Variants in SLX4IP observed in about 807,000 individuals in gnomAD.
SLX4IP encodes the protein SLX4 interacting protein.
In SLX4IP, 34 loss-of-function variants were observed where a neutral mutation model predicts 32.9. The ratio of observed to expected loss-of-function variants is 1.03; its 90% CI spans 0.79 to 1.38. SLX4IP has a LOEUF of 1.38. SLX4IP is among the 40% of genes most tolerant of loss of function. The pLI, the probability that SLX4IP is intolerant of heterozygous loss-of-function variation, is 0.00. For synonymous variants in SLX4IP, 172 were observed against 171.7 expected, an observed-to-expected ratio of 1.00 and a Z score of -0.01; for missense variants, 444 against 479.0, an observed-to-expected ratio of 0.93 and a Z score of 0.68.
intron 2 of SLX4IP, among the ~76,000 whole-genome samples, chr20:10,543,824 A>G (rs111244718): frequency 5.5e-4 from 83 of 152,284 alleles, no homozygotes; most frequent in Admixed American, 3.0e-3. Context: ...ACTTCATTTG[A>G]TTCCTGGCTG....
chr20:10,619,795 T>A (rs1249983183), intron 6 of SLX4IP, among the ~76,000 whole-genome samples: 2 of 152,172 alleles, frequency 1.3e-5, no homozygotes, highest in African/African-American at 4.8e-5. Context: ...TCGATCTCTC[T>A]CTTTCTCTCA....
At chr20:10,480,961 T>A (rs2065515900) in intron 2 of SLX4IP, among the ~76,000 whole-genome samples, 1 of 152,210 alleles carries the variant, frequency 6.6e-6, no homozygotes, top group African/African-American at 2.4e-5. Context: ...AAAGCCAACT[T>A]AATATCTCCC....
intron 2 of SLX4IP, among the ~76,000 whole-genome samples, chr20:10,496,966 C>T (rs2065673423): frequency 2.0e-5 from 3 of 152,174 alleles, no homozygotes; most frequent in African/African-American, 4.8e-5. Context: ...ACAACTTTCA[C>T]AGTGTTTTCT....
At chr20:10,478,077 T>C (rs2065490437) in intron 2 of SLX4IP, among the ~76,000 whole-genome samples, 1 of 151,998 alleles carries the variant, frequency 6.6e-6, no homozygotes, top group Non-Finnish European at 1.5e-5. Flanking sequence ...TTTTTGTATT[T>C]TAGTAGAGAT....
At chr20:10,610,007 T>C (rs1185426776) in intron 6 of SLX4IP, among the ~76,000 whole-genome samples, 1 of 152,164 alleles carries the variant, frequency 6.6e-6, no homozygotes, top group Non-Finnish European at 1.5e-5. Flanking sequence ...TCAGAACAGT[T>C]GATAAGCCTC....
At chr20:10,562,099 G>T (rs2066338700) in intron 4 of SLX4IP, among the ~76,000 whole-genome samples, 1 of 152,142 alleles carries the variant, frequency 6.6e-6, no homozygotes, top group Non-Finnish European at 1.5e-5. Flanking sequence ...GCCCCAGTGG[G>T]CGTGTGTTAC....
chr20:10,495,189 A>C (rs1251115267), intron 2 of SLX4IP, among the ~76,000 whole-genome samples: 4 of 152,138 alleles, frequency 2.6e-5, no homozygotes, highest in African/African-American at 9.7e-5. Context: ...ACAGGTTTTG[A>C]GATATAGTAC....
At chr20:10,493,371 A>C (rs1195337070) in intron 2 of SLX4IP, among the ~76,000 whole-genome samples, 2 of 152,278 alleles carry the variant, frequency 1.3e-5, no homozygotes, top group East Asian at 3.9e-4. Context: ...TGGATATTTT[A>C]TTCTATTACA....
chr20:10,604,686 C>T (rs1390859205), intron 6 of SLX4IP, among the ~76,000 whole-genome samples: 1 of 152,248 alleles, frequency 6.6e-6, no homozygotes, highest in African/African-American at 2.4e-5. Context: ...TTGCGTTTCT[C>T]TTGTCCACTC....
intron 2 of SLX4IP, among the ~76,000 whole-genome samples, chr20:10,551,362 G>A (rs186978038): frequency 1.3e-5 from 2 of 152,308 alleles, no homozygotes; most frequent in Admixed American, 1.3e-4. Context: ...GTTCTATGAT[G>A]TATCAGTGCA....
intron 2 of SLX4IP, among the ~76,000 whole-genome samples, chr20:10,512,776 CTCTATATATATATATATATATATA>C (rs1273180338): frequency 4.4e-5 from 5 of 114,746 alleles, no homozygotes; most frequent in Admixed American, 1.9e-4. Context: ...CACACACACA[CTCTATATATATATATATATATATA>C]TATATATATA....
At chr20:10,448,301 T>C (rs1458132168) in intron 1 of SLX4IP, among the ~76,000 whole-genome samples, 8 of 152,196 alleles carry the variant, frequency 5.3e-5, no homozygotes, top group Admixed American at 3.3e-4. Context: ...TGAACTACTG[T>C]TGATTTTTGG....
chr20:10,520,551 C>G (rs553909123), intron 2 of SLX4IP, among the ~76,000 whole-genome samples: 2 of 152,032 alleles, frequency 1.3e-5, no homozygotes, highest in African/African-American at 4.8e-5. Context: ...TTCTTTTTGT[C>G]ACTTGTTTTT....
At chr20:10,495,665 C>A (rs2065660891) in intron 2 of SLX4IP, among the ~76,000 whole-genome samples, 1 of 152,136 alleles carries the variant, frequency 6.6e-6, no homozygotes, top group Admixed American at 6.5e-5. Flanking sequence ...TAAACAAGTT[C>A]ATGATTATTC....
chr20:10,448,298 CT>C (rs1294751139), intron 1 of SLX4IP, among the ~76,000 whole-genome samples: 4 of 152,110 alleles, frequency 2.6e-5, no homozygotes, highest in Non-Finnish European at 4.4e-5. Context: ...CCCTGAACTA[CT>C]GTTGATTTTT....
chr20:10,622,731 T>C lies in SLX4IP; in HGVS notation c.579T>C (p.Ser193=), dbSNP rs768536068. ...CCAGAAGAGACACTGTGGAAACATCTAGTGACTCAGTGATTGCAGAGATAG... is the reference window on the plus strand; with the variant it reads ...CCAGAAGAGACACTGTGGAAACATCCAGTGACTCAGTGATTGCAGAGATAG... ...SQTRRDTVET[S]SDSVIAEIAR... Residue 193 remains serine (S), a synonymous_variant, in exon 8 of 8, where the codon TCT becomes TCC. Coordinates refer to ENST00000334534, the MANE Select transcript of SLX4IP (RefSeq NM_001009608.3). 2.5e-6 allele frequency: 4 copies of C among 1,614,094 alleles called. No individual in the cohort carries two copies. In the East Asian group the frequency reaches 6.7e-5, roughly 27 times the overall value.
chr20:10,587,495 T>C (rs766757832), intron 4 of SLX4IP, among the ~76,000 whole-genome samples: 8 of 152,044 alleles, frequency 5.3e-5, no homozygotes, highest in Admixed American at 1.3e-4. Context: ...GAAAAAAATA[T>C]ACAGGTGAAA....
chr20:10,594,604 T>C (rs959773168), intron 4 of SLX4IP, among the ~76,000 whole-genome samples: 1 of 152,200 alleles, frequency 6.6e-6, no homozygotes, highest in Non-Finnish European at 1.5e-5. Flanking sequence ...TTGCTCTCAG[T>C]GTCTTGGGAC....
chr20:10,478,618 G>A (rs1208332685), intron 2 of SLX4IP, among the ~76,000 whole-genome samples: 1 of 152,182 alleles, frequency 6.6e-6, no homozygotes, highest in Admixed American at 6.5e-5. Context: ...TACTAACCAT[G>A]TTAAAATATG....
Sources: allele counts gnomAD v4.1 joint callset (sites outside exome capture counted in the v4.1 genomes callset), GRCh38; gene constraint gnomAD v4.1.1; transcripts MANE v1.5; gene names NCBI Gene and HGNC (gene_info 2026-07-23, HGNC 2026-07-21).